Variants in GLB1L3 observed in about 807,000 individuals in gnomAD.
The protein encoded by GLB1L3 is galactosidase beta 1 like 3.
In GLB1L3, 89 loss-of-function variants were observed where a neutral mutation model predicts 89.5. The observed-to-expected ratio is 0.99, with a 90% CI of 0.84 to 1.19. The LOEUF is 1.19. GLB1L3 is among the 50% of genes most tolerant of loss of function. GLB1L3 has a pLI of 0.00. For missense variants in GLB1L3, 812 were observed against 813.3 expected (o/e 1.00, Z 0.02); for synonymous variants, 314 against 312.3 (o/e 1.01, Z -0.06).
In GLB1L3 at chr11:134,308,398, TCACCATCACCACCAC is replaced by T. The variant is rs1565413532; in HGVS notation, c.961+1199_962-1205del. 8.7e-3 allele frequency among the ~76,000 whole-genome samples: 230 copies of T among 26,362 alleles called. 1 individual carries two copies. The highest frequency in any genetic ancestry group is 0.019 in the Middle Eastern group (1 of 52). 17.3% of individuals were successfully genotyped at this position (26,362 alleles called of 152,430 possible). A position where few individuals can be genotyped will look rare whatever the true frequency, so the allele number is the denominator to read the frequency against. On this transcript the variant is annotated intron_variant, in intron 10 of 19. Transcript: ENST00000431683. ...ACCACCATCACCACCATCACCACCA[TCACCATCACCACCAC>T]CACCATCATCACCATCACCACCACC...
At chr11:134,325,302 C>G in the GLB1L3 span, among the ~76,000 whole-genome samples, 4 of 152,244 alleles carry the variant, frequency 2.6e-5, no homozygotes, top group East Asian at 7.7e-4. Flanking sequence ...ACTATGGATA[C>G]CGAAATCCAC....
At chr11:134,301,277 C>T (rs770020860) in intron 9 of GLB1L3, among the ~76,000 whole-genome samples, 2 of 152,132 alleles carry the variant, frequency 1.3e-5, no homozygotes, top group East Asian at 1.9e-4. Context: ...GTTTTGTCCT[C>T]GCTGTGAGGA....
intron 7 of GLB1L3, among the ~76,000 whole-genome samples, chr11:134,291,288 T>C (rs1051922145): frequency 6.7e-6 from 1 of 149,442 alleles, no homozygotes. Context: ...TTTTTTTTTT[T>C]CTGAGATAGT....
rs779902368 is a variant in GLB1L3 at position 134,292,185 on chromosome 11, A to G, written c.783A>G (p.Lys261=). The G allele has an allele frequency of 1.2e-6, 2 of 1,613,590 alleles. No individual in the cohort carries two copies. The highest frequency in any genetic ancestry group is 2.2e-5 in the South Asian group (2 of 90,982). The stretch of plus-strand genomic sequence containing the variant: ...TTCTCTTGACCTCTGATGGTGAGAA[A>G]CATGTGCTGAGTGGCCACACCAAAG... ...VELLLTSDGE[K]HVLSGHTKGV... is the part of the protein sequence containing the mutation. Residue 261 remains lysine (K), a synonymous_variant, in exon 8 of 20, where the codon AAA becomes AAG. Coordinates refer to ENST00000431683, the MANE Select transcript of GLB1L3 (RefSeq NM_001080407.3).
chr11:134,293,489 G>C (rs1941472042), intron 9 of GLB1L3, among the ~76,000 whole-genome samples: 1 of 152,140 alleles, frequency 6.6e-6, no homozygotes, highest in Non-Finnish European at 1.5e-5. Context: ...TTTCCCCTGT[G>C]AAGAGAGTGC....
Position 134,281,906 on chromosome 11 carries a change from T to A in GLB1L3, c.432-119T>A, listed in dbSNP as rs1940709890. 23 of 787,962 alleles carry A rather than the reference T, an allele frequency of 2.9e-5. No homozygotes were observed. The South Asian group carries it at 3.1e-4, about 11-fold the overall frequency. 48.8% of individuals were successfully genotyped at this position (787,962 alleles called of 1,614,324 possible). A position where few individuals can be genotyped will look rare whatever the true frequency, so the allele number is the denominator to read the frequency against. On this transcript the variant is annotated intron_variant, in intron 4 of 19. Coordinates refer to ENST00000431683, the MANE Select transcript of GLB1L3 (RefSeq NM_001080407.3). ...TGTGGGAGTCCCCACGCTTTGGGGG[T>A]GGGGCCGAGCCGTCCCTTCGCCCCA... is the stretch of plus-strand genomic sequence containing the variant.
At chr11:134,323,573 TA>T (rs569392649), downstream of GLB1L3, among the ~76,000 whole-genome samples, 1,328 of 142,740 alleles carry the variant, frequency 9.3e-3, 11 homozygotes, top group African/African-American at 0.021. Flanking sequence ...AGACCCCGTC[TA>T]AAAAAAAAAA....
At chr11:134,282,172 A>C in intron 5 of GLB1L3, 52 bp downstream of exon 5, 1 of 1,489,454 alleles carries the variant, frequency 6.7e-7, no homozygotes, top group Non-Finnish European at 9.0e-7. Flanking sequence ...TATTTGCTTT[A>C]AAAAAAGTGA....
chr11:134,286,215 T>G (rs1015124673), intron 6 of GLB1L3, among the ~76,000 whole-genome samples: 1 of 151,830 alleles, frequency 6.6e-6, no homozygotes, highest in African/African-American at 2.4e-5. Flanking sequence ...AGCCTGTGAG[T>G]TGTTCTTATT....
In GLB1L3 at chr11:134,305,175, T is replaced by C. The variant is rs75497766; in HGVS notation, c.877-1949T>C. ...CTCACAAGCAGCAACTTCTTCCTCC[T>C]TATAGTTCTTATCTGTGATTCTTCC... On this transcript the variant is annotated intron_variant, in intron 9 of 19. Transcript: ENST00000431683. 3.3e-3 allele frequency: 3,951 copies of C among 1,207,568 alleles called. 101 individuals are homozygous for C. The African/African-American group carries it at 0.053, about 16-fold the overall frequency. The allele number at this position is 1,207,568 out of a possible 1,614,324, so 74.8% of individuals were successfully genotyped here. A position where few individuals can be genotyped will look rare whatever the true frequency, so the allele number is the denominator to read the frequency against.
At chr11:134,322,126 ATATGC>A (rs1202087679), downstream of GLB1L3, among the ~76,000 whole-genome samples, 2 of 152,226 alleles carry the variant, frequency 1.3e-5, no homozygotes, top group Non-Finnish European at 2.9e-5. Flanking sequence ...AGGATAAAAA[ATATGC>A]TATGCAAATT....
intron 10 of GLB1L3, 96 bp from the exon 11 acceptor site, chr11:134,309,530 T>G: frequency 1.2e-6 from 1 of 820,954 alleles, no homozygotes. Flanking sequence ...CTGTAACTGA[T>G]TGTGGAGTGG....
intron 3 of GLB1L3, among the ~76,000 whole-genome samples, chr11:134,279,368 T>TC (rs1333540781): frequency 5.9e-5 from 8 of 135,878 alleles, no homozygotes; most frequent in African/African-American, 2.2e-4. Flanking sequence ...CTTTTTCTTT[T>TC]TTTTTTTTTT....
At chr11:134,309,354 G>T (rs1302440544) in intron 10 of GLB1L3, among the ~76,000 whole-genome samples, 1 of 152,052 alleles carries the variant, frequency 6.6e-6, no homozygotes, top group East Asian at 1.9e-4. Context: ...TCATCAATAG[G>T]TTCTTGGAAA....
rs976868145 is a variant in GLB1L3, at chr11:134,304,981, T to G, written c.877-2143T>G. 8.8e-6 allele frequency: 7 copies of G among 792,620 alleles called. No homozygotes were observed. In the African/African-American group the frequency reaches 1.1e-4, roughly 12 times the overall value. The allele number at this position is 792,620 out of a possible 1,614,324, so 49.1% of individuals were successfully genotyped here. ...CTCAAGGACTCAAGAGAAGTTGCTG[T>G]GAGAGCCCGCATGCGACTGCGCTAA... On this transcript the variant is annotated intron_variant, in intron 9 of 19. Transcript: ENST00000431683.
At chr11:134,290,880 T>C (rs572467928) in intron 7 of GLB1L3, among the ~76,000 whole-genome samples, 4 of 152,218 alleles carry the variant, frequency 2.6e-5, no homozygotes, top group South Asian at 4.2e-4. Context: ...CTTCCTCTTC[T>C]TTCAGTGACT....
intron 9 of GLB1L3, among the ~76,000 whole-genome samples, chr11:134,294,161 G>A (rs1450415971): frequency 2.0e-5 from 3 of 151,778 alleles, no homozygotes; most frequent in Non-Finnish European, 2.9e-5. Flanking sequence ...CCGCCTCCTT[G>A]GTTCAAGCGA....
chr11:134,292,723 T>G lies in GLB1L3; in HGVS notation c.812-422T>G. 4 of 293,626 alleles carry G rather than the reference T, an allele frequency of 1.4e-5. 1 individual carries two copies. The highest frequency in any genetic ancestry group is 6.4e-6 in the Non-Finnish European group (1 of 155,940). 18.2% of individuals were successfully genotyped at this position (293,626 alleles called of 1,614,324 possible). The stretch of plus-strand genomic sequence containing the variant: ...GGACGGACTCATCAGATGGCAATAG[T>G]GAGGGACACGCCCGGGAGTGAGCAG... On this transcript the variant is annotated intron_variant, in intron 8 of 19. Transcript: ENST00000431683.
At chr11:134,293,547 T>C (rs1941474757) in intron 9 of GLB1L3, among the ~76,000 whole-genome samples, 1 of 152,128 alleles carries the variant, frequency 6.6e-6, no homozygotes, top group Non-Finnish European at 1.5e-5. Flanking sequence ...CAGGGAGTTC[T>C]GGTGGGGCTA....
Sources: allele counts gnomAD v4.1 joint callset (sites outside exome capture counted in the v4.1 genomes callset), GRCh38; gene constraint gnomAD v4.1.1; transcripts MANE v1.5; gene names NCBI Gene and HGNC (gene_info 2026-07-23, HGNC 2026-07-21).